GPC5: variants seen among roughly 807,000 people sequenced by gnomAD.
The protein encoded by GPC5 is glypican-5.
In GPC5, 47 loss-of-function variants were observed where a neutral mutation model predicts 53.9. The ratio of observed to expected loss-of-function variants is 0.87; its 90% confidence interval spans 0.69 to 1.11. The LOEUF (loss-of-function observed/expected upper bound fraction) is 1.11, where lower values mean the gene tolerates loss of function less well. Ranked by LOEUF, GPC5 falls within the 50% of genes most tolerant of loss-of-function variation. The probability of loss-of-function intolerance (pLI) is 0.00; values close to 1 mark genes in which losing one functional copy is unlikely to be tolerated. For missense variants in GPC5, 748 were observed against 713.1 expected, an observed-to-expected ratio of 1.05 and a Z score of -0.56; for synonymous variants, 286 against 263.3, an observed-to-expected ratio of 1.09 and a Z score of -0.84.
At chr13:92,765,110 C>A (rs374754216) in intron 7 of GPC5, among the ~76,000 whole-genome samples, 18 of 152,094 alleles carry the variant, frequency 1.2e-4, no homozygotes, top group African/African-American at 4.1e-4. Context: ...GAATGAGATA[C>A]GATGGACAAG....
intron 7 of GPC5, among the ~76,000 whole-genome samples, chr13:92,268,373 G>GA (rs34703832): frequency 0.35 from 52,264 of 151,066 alleles, 9,660 homozygotes; most frequent in African/African-American, 0.48. Flanking sequence ...TTTTCTCATG[G>GA]AAAAATGATA....
At chr13:92,558,358 A>C (rs1715776817) in intron 7 of GPC5, among the ~76,000 whole-genome samples, 2 of 152,088 alleles carry the variant, frequency 1.3e-5, no homozygotes, top group Non-Finnish European at 2.9e-5. Flanking sequence ...AACATATGCA[A>C]GTGACATATC....
intron 7 of GPC5, among the ~76,000 whole-genome samples, chr13:92,633,633 C>CTT (rs1211726342): frequency 6.6e-6 from 1 of 151,796 alleles, no homozygotes; most frequent in Non-Finnish European, 1.5e-5. Flanking sequence ...TGTTATAATA[C>CTT]TTTTCTATTG....
rs567189103 is a variant in GPC5 at position 91,658,126 on chromosome 13, G to T, written c.326-35061G>T. ...TACATATTTAAGTTTATGAGAGGCT[G>T]GAGTAGGGCAAGCACATTGAAAGGG... On this transcript the variant is annotated intron_variant, in intron 2 of 7. Coordinates refer to ENST00000377067, the MANE Select transcript of GPC5 (RefSeq NM_004466.6). 5.3e-5 allele frequency among the ~76,000 whole-genome samples: 8 copies of T among 152,136 alleles called. No individual in the cohort carries two copies. The South Asian group carries it at 1.7e-3, about 32-fold the overall frequency.
intron 7 of GPC5, among the ~76,000 whole-genome samples, chr13:92,203,932 A>T (rs998039398): frequency 1.3e-5 from 2 of 152,104 alleles, no homozygotes; most frequent in African/African-American, 4.8e-5. Flanking sequence ...AAAAAAAAGA[A>T]GCAGTAATAA....
chr13:91,555,430 CAGAAAAGCTCACTATAT>C (rs1216129447), intron 2 of GPC5, among the ~76,000 whole-genome samples: 1 of 141,990 alleles, frequency 7.0e-6, no homozygotes, highest in Non-Finnish European at 1.5e-5. Context: ...CGTGTTTTAC[CAGAAAAGCTCACTATAT>C]AGAAGGATGT....
intron 7 of GPC5, among the ~76,000 whole-genome samples, chr13:92,570,875 A>G (rs1458437678): frequency 6.6e-6 from 1 of 152,150 alleles, no homozygotes; most frequent in Admixed American, 6.6e-5. Flanking sequence ...CTGAGTTCAA[A>G]TATCATCTTA....
intron 7 of GPC5, among the ~76,000 whole-genome samples, chr13:92,468,298 A>G (rs1034797801): frequency 1.3e-5 from 2 of 152,114 alleles, no homozygotes; most frequent in African/African-American, 4.8e-5. Flanking sequence ...CACAAGAGAA[A>G]CGCTTAAATA....
chr13:92,241,096 TAAC>T (rs2042608649), intron 7 of GPC5: 2 of 152,156 alleles, frequency 1.3e-5, no homozygotes, highest in Admixed American at 6.6e-5. Context: ...AGTCCCCAAT[TAAC>T]AAATATCTAG....
chr13:91,619,652 C>G (rs1003031963), intron 2 of GPC5, among the ~76,000 whole-genome samples: 8 of 152,092 alleles, frequency 5.3e-5, no homozygotes, highest in African/African-American at 1.9e-4. Context: ...CACACACACA[C>G]AGAAACTGCA....
At chr13:92,115,810 C>G (rs1157061107) in intron 6 of GPC5, among the ~76,000 whole-genome samples, 1 of 152,126 alleles carries the variant, frequency 6.6e-6, no homozygotes, top group African/African-American at 2.4e-5. Flanking sequence ...GTGCACCCCC[C>G]ACCCCCACCG....
chr13:91,960,409 GA>G (rs1399311909), intron 6 of GPC5, among the ~76,000 whole-genome samples: 2 of 152,056 alleles, frequency 1.3e-5, no homozygotes, highest in African/African-American at 4.8e-5. Flanking sequence ...ACAAAACACT[GA>G]TAAAGGAAAC....
At chr13:91,871,482 C>T (rs1487409348) in intron 5 of GPC5, among the ~76,000 whole-genome samples, 1 of 151,754 alleles carries the variant, frequency 6.6e-6, no homozygotes, top group Non-Finnish European at 1.5e-5. Flanking sequence ...CAACCCTTCA[C>T]ATGTACCCCC....
chr13:92,548,850 T>G (rs1413670029), intron 7 of GPC5, among the ~76,000 whole-genome samples: 2 of 152,140 alleles, frequency 1.3e-5, no homozygotes, highest in African/African-American at 4.8e-5. Flanking sequence ...TCACATTATA[T>G]GCCTGTATCA....
chr13:92,742,517 C>A (rs994584850), intron 7 of GPC5, among the ~76,000 whole-genome samples: 20 of 147,118 alleles, frequency 1.4e-4, no homozygotes, highest in Non-Finnish European at 2.8e-4. Flanking sequence ...AAAATTTTCT[C>A]CCATGTTGTA....
chr13:92,339,482 T>G (rs1004164788), intron 7 of GPC5, among the ~76,000 whole-genome samples: 4 of 152,078 alleles, frequency 2.6e-5, no homozygotes. Flanking sequence ...ATACAGAGAA[T>G]CATGCTTTAT....
chr13:92,196,237 AAATT>A (rs976064818), intron 7 of GPC5, among the ~76,000 whole-genome samples: 1 of 152,190 alleles, frequency 6.6e-6, no homozygotes, highest in African/African-American at 2.4e-5. Flanking sequence ...AAACTTTGAA[AAATT>A]AATATCAATT....
At chr13:92,319,571 G>A (rs982866675) in intron 7 of GPC5, among the ~76,000 whole-genome samples, 4 of 152,134 alleles carry the variant, frequency 2.6e-5, no homozygotes, top group African/African-American at 9.7e-5. Context: ...TGGCACATCA[G>A]CATAGCCCTT....
chr13:92,353,195 G>T (rs1019806315), intron 7 of GPC5, among the ~76,000 whole-genome samples: 3 of 147,968 alleles, frequency 2.0e-5, no homozygotes, highest in Admixed American at 1.4e-4. Context: ...GGGAAGCGGA[G>T]CTTGCAGTGA....
Sources: allele counts gnomAD v4.1 joint callset (sites outside exome capture counted in the v4.1 genomes callset), GRCh38; gene constraint gnomAD v4.1.1; transcripts MANE v1.5; gene names NCBI Gene and HGNC (gene_info 2026-07-23, HGNC 2026-07-21).